Variants in NRSN2 observed in about 807,000 individuals in gnomAD.
NRSN2 encodes neurensin-2.
A neutral mutation model predicts 11.1 loss-of-function variants in NRSN2; 10 were observed. That is an observed-to-expected ratio of 0.90 (90% confidence interval 0.56 to 1.53). The LOEUF (loss-of-function observed/expected upper bound fraction) is 1.53, where lower values mean the gene tolerates loss of function less well. NRSN2 is among the 40% of genes most tolerant of loss of function. The probability of loss-of-function intolerance (pLI) is 0.00; values close to 1 mark genes in which losing one functional copy is unlikely to be tolerated. For missense variants in NRSN2, 260 were observed against 273.7 expected, an observed-to-expected ratio of 0.95 and a Z score of 0.35; for synonymous variants, 100 against 117.0, an observed-to-expected ratio of 0.86 and a Z score of 0.94.
chr20:347,551 C>T lies in NRSN2; in HGVS notation c.-122+39C>T, dbSNP rs117461830. The T allele has an allele frequency of 3.4e-3, 513 of 152,574 alleles. 19 individuals carry two copies. In the East Asian group the frequency reaches 0.069, roughly 20 times the overall value. The allele number at this position is 152,574 out of a possible 1,614,324, so 9.5% of individuals were successfully genotyped here. A position where few individuals can be genotyped will look rare whatever the true frequency, so the allele number is the denominator to read the frequency against. ...GCGGGAAATGGCCTGATTTCCCCGG[C>T]CGACACCCCCTACCCATCCCCCCCG... is the stretch of plus-strand genomic sequence containing the variant. On this transcript the variant is annotated intron_variant, in intron 2 of 4. Transcript: ENST00000382285. This position sits in a 1 kb window ranked among gnomAD's most constrained non-coding sequence, Gnocchi z 7.0.
At position 354,579 on chromosome 20, in the gene NRSN2, T is replaced by C. The variant is rs1486561245; in HGVS notation, c.*944T>C. ...TCTTGGCCGTGACCCTGATAATAAA[T>C]GGGCTCTCTCAGAGGCGCCAGCCCC... On this transcript the variant is annotated 3_prime_UTR_variant, in exon 5 of 5. Coordinates refer to ENST00000382285, the MANE Select transcript of NRSN2 (RefSeq NM_001323682.2). 1 of 151,994 alleles carries C rather than the reference T, an allele frequency of 6.6e-6. No homozygotes were observed. Among genetic ancestry groups the C allele is most frequent in the Non-Finnish European group, 1.5e-5 (1 of 68,054 alleles). The allele number at this position is 151,994 out of a possible 1,614,324, so 9.4% of individuals were successfully genotyped here. A position where few individuals can be genotyped will look rare whatever the true frequency, so the allele number is the denominator to read the frequency against.
rs1382769625 is a variant in NRSN2, at chr20:347,124, G to T, written c.-219G>T. The T allele has an allele frequency of 6.6e-6, 1 of 152,232 alleles. No homozygotes were observed. 9.4% of individuals were successfully genotyped at this position (152,232 alleles called of 1,614,324 possible). A position where few individuals can be genotyped will look rare whatever the true frequency, so the allele number is the denominator to read the frequency against. On this transcript the variant is annotated 5_prime_UTR_variant, in exon 1 of 5. Transcript: ENST00000382285. This position sits in a 1 kb window ranked among gnomAD's most constrained non-coding sequence, Gnocchi z 7.0. The stretch of plus-strand genomic sequence containing the variant: ...CGAACCGGACCCGCCTTTGCTCGGC[G>T]GAGACAGCAGGCAGAGAGGTGAGCT...
intron 4 of NRSN2, among the ~76,000 whole-genome samples, chr20:350,197 G>A (rs901822626): frequency 7.9e-5 from 12 of 151,734 alleles, no homozygotes; most frequent in Non-Finnish European, 1.6e-4. Flanking sequence ...AAAATGGACC[G>A]GGTGCGGTAG....
chr20:353,644 C>T lies in NRSN2; in HGVS notation c.*9C>T. 1 of 1,608,946 alleles carries T rather than the reference C, an allele frequency of 6.2e-7. No individual in the cohort carries two copies. The highest frequency in any genetic ancestry group is 8.5e-7 in the Non-Finnish European group (1 of 1,178,784). The stretch of plus-strand genomic sequence containing the variant: ...CCAAGAGGGACTCCTGAGCTGCCCA[C>T]ATGGCCTAAGATGTGGGTCCTGGAT... On this transcript the variant is annotated 3_prime_UTR_variant, in exon 5 of 5. Coordinates refer to ENST00000382285, the MANE Select transcript of NRSN2 (RefSeq NM_001323682.2).
intron 2 of NRSN2, chr20:348,483 C>CGGTGTGTGTGTGTGTGTGTGTGTG (rs1568514032): frequency 3.1e-5 from 1 of 32,340 alleles, no homozygotes; most frequent in African/African-American, 1.8e-4. Context: ...GAACCTCCAA[C>CGGTGTGTGTGTGTGTGTGTGTGTG]CGTGTGTGTG....
Position 349,320 on chromosome 20 carries a change from C to T in NRSN2, c.-50C>T, listed in dbSNP as rs182955545. ...ACGCCTCCAGGAAGCAGTGTGTCCA[C>T]GACTCCAGTCCAAGTGGTCAGGCTC... On this transcript the variant is annotated 5_prime_UTR_variant, in exon 3 of 5. In the 5' UTR this introduces an upstream ATG that the reference lacks. Coordinates refer to ENST00000382285, the MANE Select transcript of NRSN2 (RefSeq NM_001323682.2). 3 of 238,284 alleles carry T rather than the reference C, an allele frequency of 1.3e-5. No individual in the cohort carries two copies. Among genetic ancestry groups the T allele is most frequent in the East Asian group, 1.8e-4 (2 of 11,276 alleles). The allele number at this position is 238,284 out of a possible 1,614,324, so 14.8% of individuals were successfully genotyped here.
intron 4 of NRSN2, among the ~76,000 whole-genome samples, chr20:351,797 A>T (rs2013988913): frequency 6.6e-6 from 1 of 152,154 alleles, no homozygotes; most frequent in African/African-American, 2.4e-5. Flanking sequence ...GCCAATCAAA[A>T]CCCCAGCACG....
chr20:352,955 AAC>A (rs35615820), intron 4 of NRSN2, among the ~76,000 whole-genome samples: 12,673 of 152,112 alleles, frequency 0.083, 1,148 homozygotes, highest in African/African-American at 0.22. Flanking sequence ...GATGGAGGGA[AAC>A]ACAGGGTTGG....
intron 4 of NRSN2, 86 bp from the exon 5 acceptor site, chr20:353,124 A>T: frequency 8.0e-7 from 1 of 1,248,166 alleles, no homozygotes; most frequent in Non-Finnish European, 1.1e-6. Context: ...GGTTACCCTT[A>T]AGTCTGGTGA....
rs1028969602 is a variant in NRSN2, at chr20:354,611, C to G, written c.*976C>G. On this transcript the variant is annotated 3_prime_UTR_variant, in exon 5 of 5. Coordinates refer to ENST00000382285, the MANE Select transcript of NRSN2 (RefSeq NM_001323682.2). ...TCTCAGAGGCGCCAGCCCCTCCCTC[C>G]CCAGCCGGAGGCGTCATCTCTCTTC... 2 of 152,348 alleles carry G rather than the reference C, an allele frequency of 1.3e-5. No homozygotes were observed. The highest frequency in any genetic ancestry group is 4.8e-5 in the African/African-American group (2 of 41,458). 9.4% of individuals were successfully genotyped at this position (152,348 alleles called of 1,614,324 possible). A position where few individuals can be genotyped will look rare whatever the true frequency, so the allele number is the denominator to read the frequency against.
At chr20:352,706 T>A (rs1848050532) in intron 4 of NRSN2, among the ~76,000 whole-genome samples, 1 of 152,214 alleles carries the variant, frequency 6.6e-6, no homozygotes, top group Non-Finnish European at 1.5e-5. Flanking sequence ...CATGGAGCTC[T>A]CAGTACTGCG....
Position 350,670 on chromosome 20 carries a change from A to G in NRSN2, c.189+838A>G, listed in dbSNP as rs867980543. The stretch of plus-strand genomic sequence containing the variant: ...TCAAAAAAAAAAAAAAAAAAAAAAA[A>G]AAAAAAGAAAAAAGAAGGGAAAATG... On this transcript the variant is annotated intron_variant, in intron 4 of 4. Coordinates refer to ENST00000382285, the MANE Select transcript of NRSN2 (RefSeq NM_001323682.2). Among the ~76,000 whole-genome samples the G allele has an allele frequency of 3.3e-3, 332 of 100,762 alleles. 3 individuals carry two copies. The highest frequency in any genetic ancestry group is 0.015 in the African/African-American group (293 of 19,028). 66.1% of individuals were successfully genotyped at this position (100,762 alleles called of 152,430 possible).
chr20:349,535 G>A (rs1182905984), intron 3 of NRSN2, 103 bp from the exon 4 acceptor site: 7 of 879,980 alleles, frequency 8.0e-6, no homozygotes, highest in Non-Finnish European at 3.4e-6. Context: ...CGAGTGGGAG[G>A]AGAAGCGGGT....
At position 350,498 on chromosome 20, in the gene NRSN2, A is replaced by AG. The variant is rs1476141683; in HGVS notation, c.189+666_189+667insG. Among the ~76,000 whole-genome samples the AG allele has an allele frequency of 2.0e-5, 3 of 147,140 alleles. No individual in the cohort carries two copies. The East Asian group carries it at 6.0e-4, about 29-fold the overall frequency. ...CCTCTAAAAAAAAAAAAAAAAAAAA[A>AG]TGAGCCGGGCGTGGTGGCAGGCGCC... On this transcript the variant is annotated intron_variant, in intron 4 of 4. Transcript: ENST00000382285.
chr20:347,939 G>A lies in NRSN2; in HGVS notation c.-122+427G>A, dbSNP rs2013567281. Among the ~76,000 whole-genome samples the A allele has an allele frequency of 6.6e-6, 1 of 151,834 alleles. No individual in the cohort carries two copies. The highest frequency in any genetic ancestry group is 1.5e-5 in the Non-Finnish European group (1 of 67,942). ...CCGTGCAGCCCTGAAACGCCAGGCG[G>A]AGGGGCCAGGCCGAGCGGGAGGCAG... On this transcript the variant is annotated intron_variant, in intron 2 of 4. Coordinates refer to ENST00000382285, the MANE Select transcript of NRSN2 (RefSeq NM_001323682.2). The surrounding 1 kb of genome is among the most constrained non-coding windows in gnomAD (Gnocchi z 7.0).
Position 353,792 on chromosome 20 carries a change from A to C in NRSN2, c.*157A>C. ...GCTCAAATCCCAGTGCTCCCTCCCCAGGAGTGGGGCCCCAACTCTTCCAAG... is the reference window on the plus strand; with the variant it reads ...GCTCAAATCCCAGTGCTCCCTCCCCCGGAGTGGGGCCCCAACTCTTCCAAG... On this transcript the variant is annotated 3_prime_UTR_variant, in exon 5 of 5. Transcript: ENST00000382285. 2.5e-6 allele frequency: 2 copies of C among 790,048 alleles called. No individual in the cohort carries two copies. The highest frequency in any genetic ancestry group is 3.9e-6 in the Non-Finnish European group (2 of 514,870). 48.9% of individuals were successfully genotyped at this position (790,048 alleles called of 1,614,324 possible). A position where few individuals can be genotyped will look rare whatever the true frequency, so the allele number is the denominator to read the frequency against.
chr20:353,905 C>G lies in NRSN2; in HGVS notation c.*270C>G. The G allele has an allele frequency of 2.0e-6, 1 of 499,758 alleles. No individual in the cohort carries two copies. The highest frequency in any genetic ancestry group is 3.5e-6 in the Non-Finnish European group (1 of 282,298). The allele number at this position is 499,758 out of a possible 1,614,324, so 31.0% of individuals were successfully genotyped here. A position where few individuals can be genotyped will look rare whatever the true frequency, so the allele number is the denominator to read the frequency against. On this transcript the variant is annotated 3_prime_UTR_variant, in exon 5 of 5. Coordinates refer to ENST00000382285, the MANE Select transcript of NRSN2 (RefSeq NM_001323682.2). ...GGGGCAGAAAACATCTCCTTCAACC[C>G]GTCCCCACTCCTTCCTCTGCATGAC...
chr20:350,500 G>T, intron 4 of NRSN2, among the ~76,000 whole-genome samples: 2 of 136,160 alleles, frequency 1.5e-5, no homozygotes, highest in African/African-American at 5.6e-5. Context: ...AAAAAAAAAT[G>T]AGCCGGGCGT....
In NRSN2 at chr20:349,305, G is replaced by A. The variant is rs2013727908; in HGVS notation, c.-65G>A. ...CACTTGTCTAAGGTCACGCCTCCAG[G>A]AAGCAGTGTGTCCACGACTCCAGTC... On this transcript the variant is annotated 5_prime_UTR_variant, in exon 3 of 5. Transcript: ENST00000382285. 1 of 220,000 alleles carries A rather than the reference G, an allele frequency of 4.5e-6. No individual in the cohort carries two copies. Among genetic ancestry groups the A allele is most frequent in the South Asian group, 1.3e-4 (1 of 7,900 alleles). 13.6% of individuals were successfully genotyped at this position (220,000 alleles called of 1,614,324 possible).
Sources: gnomAD v4.1 joint callset for allele counts (sites outside exome capture counted in the v4.1 genomes callset) on GRCh38, gnomAD v4.1.1 for gene constraint, Gnocchi (gnomAD v3.1) non-coding constraint, MANE v1.5 for transcripts, NCBI Gene and HGNC (gene_info 2026-07-23, HGNC 2026-07-21) for gene names.